Variants in XPR1 observed in about 807,000 individuals in gnomAD.
XPR1 encodes the protein xenotropic and polytropic retrovirus receptor 1, also known as solute carrier family 53 member 1.
Under a neutral mutation model 87.5 loss-of-function variants are expected in XPR1, and 28 were observed. The ratio of observed to expected loss-of-function variants is 0.32; its 90% CI spans 0.24 to 0.44. The LOEUF is 0.44. Among genes scored for constraint, XPR1 ranks in the 20% least tolerant of loss-of-function variants. The pLI is 1.00. For synonymous variants in XPR1, 300 were observed against 306.1 expected (o/e 0.98, Z 0.21); for missense variants, 559 against 862.3 (o/e 0.65, Z 4.41).
intron 3 of XPR1, among the ~76,000 whole-genome samples, chr1:180,802,216 A>G (rs1408141519): frequency 3.3e-5 from 5 of 152,142 alleles, no homozygotes; most frequent in Non-Finnish European, 7.3e-5. Flanking sequence ...CTTGACTAAA[A>G]TCATACAGCT....
chr1:180,684,893 G>A (rs566299075), intron 2 of XPR1, among the ~76,000 whole-genome samples: 3 of 152,252 alleles, frequency 2.0e-5, no homozygotes, highest in South Asian at 2.1e-4. Context: ...GGGCTGAGAC[G>A]ATGAGGTTTT....
At chr1:180,875,104 A>G (rs1652619199) in intron 13 of XPR1, among the ~76,000 whole-genome samples, 1 of 152,216 alleles carries the variant, frequency 6.6e-6, no homozygotes, top group African/African-American at 2.4e-5. Context: ...GGAAGTCTCA[A>G]CAAATTGCAG....
intron 9 of XPR1, among the ~76,000 whole-genome samples, chr1:180,827,290 A>C (rs1305034729): frequency 1.3e-5 from 2 of 151,868 alleles, no homozygotes; most frequent in African/African-American, 2.4e-5. Context: ...GTGCCTGGCC[A>C]TAAAATTATT....
intron 1 of XPR1, among the ~76,000 whole-genome samples, chr1:180,660,650 A>G (rs750003660): frequency 4.6e-5 from 7 of 152,146 alleles, no homozygotes; most frequent in Non-Finnish European, 1.0e-4. Context: ...GTGTTTGTAT[A>G]GTCTCTAAAA....
intron 11 of XPR1, among the ~76,000 whole-genome samples, chr1:180,863,187 G>A (rs1228670381): frequency 6.6e-6 from 1 of 152,032 alleles, no homozygotes; most frequent in Non-Finnish European, 1.5e-5. Flanking sequence ...TTATCACTCT[G>A]TTGTTTTCGG....
At chr1:180,753,728 G>T (rs1193353145) in intron 2 of XPR1, among the ~76,000 whole-genome samples, 2 of 152,028 alleles carry the variant, frequency 1.3e-5, no homozygotes, top group African/African-American at 2.4e-5. Flanking sequence ...TATCTATATA[G>T]TATATTGTAT....
At chr1:180,872,701 C>T (rs1652541378) in intron 12 of XPR1, among the ~76,000 whole-genome samples, 2 of 142,606 alleles carry the variant, frequency 1.4e-5, no homozygotes, top group South Asian at 4.7e-4. Flanking sequence ...CACACACTGG[C>T]CTGCGCCCAC....
At chr1:180,720,424 A>T (rs1246191950) in intron 2 of XPR1, among the ~76,000 whole-genome samples, 2 of 152,192 alleles carry the variant, frequency 1.3e-5, no homozygotes, top group Non-Finnish European at 2.9e-5. Flanking sequence ...TTGAGGAAAT[A>T]GGTCATGGTA....
chr1:180,636,462 A>T (rs1654761956), intron 1 of XPR1, among the ~76,000 whole-genome samples: 1 of 152,238 alleles, frequency 6.6e-6, no homozygotes, highest in African/African-American at 2.4e-5. Context: ...ACTATTCTTT[A>T]TCATCTTTAA....
intron 12 of XPR1, among the ~76,000 whole-genome samples, chr1:180,866,092 GC>G (rs1652380092): frequency 6.6e-6 from 1 of 152,122 alleles, no homozygotes; most frequent in African/African-American, 2.4e-5. Context: ...CACGCCTGTA[GC>G]CCCAGCTACT....
intron 7 of XPR1, 42 bp downstream of exon 7, chr1:180,811,530 T>C (rs753386989): frequency 6.6e-7 from 1 of 1,506,962 alleles, no homozygotes; most frequent in Non-Finnish European, 9.2e-7. Context: ...CTTACCAATA[T>C]GCCTGTGTCA....
At chr1:180,660,671 T>TA (rs1295054502) in intron 1 of XPR1, among the ~76,000 whole-genome samples, 1 of 152,238 alleles carries the variant, frequency 6.6e-6, no homozygotes, top group Non-Finnish European at 1.5e-5. Context: ...TTTCTCTTGT[T>TA]ATTGATTTCT....
At chr1:180,683,224 T>A (rs1388961677) in intron 2 of XPR1, among the ~76,000 whole-genome samples, 1 of 151,922 alleles carries the variant, frequency 6.6e-6, no homozygotes, top group Non-Finnish European at 1.5e-5. Context: ...TGTTTGGTTT[T>A]TTGTCCTTGC....
intron 2 of XPR1, among the ~76,000 whole-genome samples, chr1:180,754,669 C>T (rs1647661102): frequency 6.6e-6 from 1 of 151,954 alleles, no homozygotes; most frequent in African/African-American, 2.4e-5. Flanking sequence ...GCCATGCTGC[C>T]CAGGCTGGTC....
chr1:180,703,190 G>C (rs1409023525), intron 2 of XPR1, among the ~76,000 whole-genome samples: 1 of 152,098 alleles, frequency 6.6e-6, no homozygotes, highest in African/African-American at 2.4e-5. Flanking sequence ...GGCAAGGTGG[G>C]CAAGGTGGAC....
At chr1:180,783,449 A>C (rs941514702) in intron 2 of XPR1, among the ~76,000 whole-genome samples, 55 of 152,014 alleles carry the variant, frequency 3.6e-4, no homozygotes, top group African/African-American at 1.3e-3. Context: ...TAATAAGTGA[A>C]GATAGCAAAA....
At chr1:180,665,224 A>G (rs972508190) in intron 1 of XPR1, among the ~76,000 whole-genome samples, 1 of 152,216 alleles carries the variant, frequency 6.6e-6, no homozygotes, top group East Asian at 1.9e-4. Context: ...TTATAAAACC[A>G]TCAGACCTCA....
At chr1:180,648,391 A>C (rs2101901540) in intron 1 of XPR1, among the ~76,000 whole-genome samples, 1 of 152,336 alleles carries the variant, frequency 6.6e-6, no homozygotes, top group Non-Finnish European at 1.5e-5. Flanking sequence ...AGATTGGTTC[A>C]CTGCCCATGT....
chr1:180,853,177 C>T (rs1377183582), intron 11 of XPR1, among the ~76,000 whole-genome samples: 1 of 152,078 alleles, frequency 6.6e-6, no homozygotes, highest in East Asian at 1.9e-4. Flanking sequence ...TTCCACCCGC[C>T]TCGGCCTCCC....
Sources: gnomAD v4.1 joint callset for allele counts (sites outside exome capture counted in the v4.1 genomes callset) on GRCh38, gnomAD v4.1.1 for gene constraint, MANE v1.5 for transcripts, NCBI Gene and HGNC (gene_info 2026-07-23, HGNC 2026-07-21) for gene names.